Variants in FER observed in about 807,000 individuals in gnomAD.
FER encodes the protein tyrosine-protein kinase Fer.
In FER, 63 loss-of-function variants were observed where a neutral mutation model predicts 111.0. The ratio of observed to expected loss-of-function variants is 0.57; its 90% confidence interval spans 0.46 to 0.70. The LOEUF is 0.70. FER is among the 30% of genes least tolerant of loss of function. The pLI, the probability that FER is intolerant of heterozygous loss-of-function variation, is 0.00. For missense variants in FER, 914 were observed against 954.0 expected, an observed-to-expected ratio of 0.96 and a Z score of 0.55; for synonymous variants, 327 against 313.9, an observed-to-expected ratio of 1.04 and a Z score of -0.44.
chr5:109,043,639 G>C (rs1318881951), intron 14 of FER, among the ~76,000 whole-genome samples: 1 of 152,088 alleles, frequency 6.6e-6, no homozygotes, highest in Non-Finnish European at 1.5e-5. Flanking sequence ...TTCTAGTTTA[G>C]TTACTTCTTG....
chr5:108,844,066 ATG>A (rs201712681), intron 5 of FER, among the ~76,000 whole-genome samples: 1,600 of 142,876 alleles, frequency 0.011, 62 homozygotes, highest in Non-Finnish European at 0.017. Context: ...GAACATATAT[ATG>A]TGTGTGAACA....
chr5:109,014,187 G>A (rs1253168442), intron 13 of FER, among the ~76,000 whole-genome samples: 1 of 151,680 alleles, frequency 6.6e-6, no homozygotes, highest in Non-Finnish European at 1.5e-5. Context: ...TAATGCCTAG[G>A]TTTTCTTCTA....
chr5:108,877,548 A>G (rs1428680636), intron 8 of FER, among the ~76,000 whole-genome samples: 1 of 152,244 alleles, frequency 6.6e-6, no homozygotes, highest in African/African-American at 2.4e-5. Context: ...TGTCATCCAT[A>G]AAAATCCTAT....
At chr5:108,797,043 A>G (rs1465383975) in intron 2 of FER, among the ~76,000 whole-genome samples, 1 of 151,904 alleles carries the variant, frequency 6.6e-6, no homozygotes, top group African/African-American at 2.4e-5. Flanking sequence ...CCCGGGTATC[A>G]CTGCTGGTTA....
At chr5:109,009,572 C>G (rs192223866) in intron 13 of FER, among the ~76,000 whole-genome samples, 17 of 151,582 alleles carry the variant, frequency 1.1e-4, no homozygotes, top group African/African-American at 3.6e-4. Context: ...TTGGAAGAGT[C>G]TCACTACTCT....
chr5:109,093,279 A>G (rs1372556827), intron 16 of FER, among the ~76,000 whole-genome samples: 1 of 152,200 alleles, frequency 6.6e-6, no homozygotes, highest in Non-Finnish European at 1.5e-5. Flanking sequence ...ACAATAAAAA[A>G]GTGAGAAAGA....
chr5:108,784,273 G>C (rs1384441539), intron 2 of FER: 1 of 153,076 alleles, frequency 6.5e-6, no homozygotes, highest in African/African-American at 2.4e-5. Flanking sequence ...AACATGCTCT[G>C]TGGGGTCACT....
At chr5:109,061,124 GTCATTTTCT>G (rs1226117890) in intron 16 of FER, among the ~76,000 whole-genome samples, 2 of 152,138 alleles carry the variant, frequency 1.3e-5, no homozygotes, top group Non-Finnish European at 2.9e-5. Flanking sequence ...CTTTATACGT[GTCATTTTCT>G]TCATATGTGA....
At chr5:108,816,025 A>G (rs1436272485) in intron 3 of FER, among the ~76,000 whole-genome samples, 1 of 152,142 alleles carries the variant, frequency 6.6e-6, no homozygotes, top group East Asian at 1.9e-4. Flanking sequence ...TGGGTAACAT[A>G]GCAAGACCCT....
At chr5:108,886,444 A>G (rs1325827494) in intron 9 of FER, among the ~76,000 whole-genome samples, 1 of 149,202 alleles carries the variant, frequency 6.7e-6, no homozygotes, top group African/African-American at 2.4e-5. Flanking sequence ...ACATACATAA[A>G]CATATATGTA....
At chr5:109,001,675 G>T (rs552169677) in intron 13 of FER, among the ~76,000 whole-genome samples, 1 of 152,172 alleles carries the variant, frequency 6.6e-6, no homozygotes, top group African/African-American at 2.4e-5. Flanking sequence ...ATTCAATTAG[G>T]AAAAGAGGAA....
chr5:109,082,172 T>C (rs1403010519), intron 16 of FER, among the ~76,000 whole-genome samples: 1 of 152,070 alleles, frequency 6.6e-6, no homozygotes, highest in Non-Finnish European at 1.5e-5. Context: ...TGAGCGTTAT[T>C]CTTTCTTTGT....
chr5:109,124,849 A>AT (rs1314817185), intron 17 of FER, among the ~76,000 whole-genome samples: 2 of 152,148 alleles, frequency 1.3e-5, no homozygotes, highest in Non-Finnish European at 2.9e-5. Flanking sequence ...GATCCAGACC[A>AT]TTCTGGCTAA....
In FER at chr5:109,051,221, A is replaced by C. The variant is rs1772750709; in HGVS notation, c.1924+4023A>C. The C allele has an allele frequency of 1.3e-5, 11 of 818,400 alleles. No individual in the cohort carries two copies. The South Asian group carries it at 1.6e-4, about 12-fold the overall frequency. 50.7% of individuals were successfully genotyped at this position (818,400 alleles called of 1,614,324 possible). On this transcript the variant is annotated intron_variant, in intron 16 of 19. Transcript: ENST00000281092. The stretch of plus-strand genomic sequence containing the variant: ...AATAAGACTGTTGAATACCACCTCC[A>C]CCGGATCAAAATTAACACCTGGTGC...
At chr5:109,060,910 G>A (rs1049240949) in intron 16 of FER, among the ~76,000 whole-genome samples, 10 of 151,648 alleles carry the variant, frequency 6.6e-5, no homozygotes, top group African/African-American at 2.2e-4. Context: ...TGTCTGAGAG[G>A]AAAAAAATGG....
intron 2 of FER, among the ~76,000 whole-genome samples, chr5:108,779,065 A>G (rs1753779074): frequency 1.3e-5 from 2 of 151,586 alleles, no homozygotes; most frequent in African/African-American, 4.8e-5. Flanking sequence ...TAGTGAAAAG[A>G]CTATCTTTTC....
chr5:109,150,173 A>G (rs1254254507), intron 17 of FER, among the ~76,000 whole-genome samples: 3 of 152,100 alleles, frequency 2.0e-5, no homozygotes, highest in African/African-American at 7.2e-5. Flanking sequence ...CTGAGCATCT[A>G]TTTGATCAGT....
intron 3 of FER, among the ~76,000 whole-genome samples, chr5:108,812,389 C>CCA (rs1757855700): frequency 6.6e-6 from 1 of 152,126 alleles, no homozygotes; most frequent in Non-Finnish European, 1.5e-5. Flanking sequence ...ATTAATATAA[C>CCA]CACGCTGGGT....
intron 10 of FER, among the ~76,000 whole-genome samples, chr5:108,918,777 G>A (rs1322126444): frequency 1.3e-5 from 2 of 151,432 alleles, no homozygotes; most frequent in African/African-American, 4.9e-5. Context: ...GTGAGCCACC[G>A]CGCCCCGCCT....
Sources: gnomAD v4.1 joint callset for allele counts (sites outside exome capture counted in the v4.1 genomes callset) on GRCh38, gnomAD v4.1.1 for gene constraint, MANE v1.5 for transcripts, NCBI Gene and HGNC (gene_info 2026-07-23, HGNC 2026-07-21) for gene names.